Variants in SHROOM4 observed in about 807,000 individuals in gnomAD.
SHROOM4 encodes protein Shroom4.
A neutral mutation model predicts 80.3 loss-of-function variants in SHROOM4; 17 were observed. The observed-to-expected ratio is 0.21, with a 90% CI of 0.14 to 0.32. The LOEUF is 0.32. Among genes scored for constraint, SHROOM4 ranks in the 10% least tolerant of loss-of-function variants. SHROOM4 has a pLI of 1.00. For missense variants in SHROOM4, 993 were observed against 1,140.3 expected, an observed-to-expected ratio of 0.87 and a Z score of 1.86; for synonymous variants, 400 against 437.5, an observed-to-expected ratio of 0.91 and a Z score of 1.07.
Position 50,634,937 on chromosome X carries a change from A to G in SHROOM4, c.1136T>C (p.Val379Ala). Residue 379 changes from valine to alanine, a missense_variant, in exon 4 of 9, where the codon GTG (valine) becomes GCG (alanine). Coordinates refer to ENST00000376020, the MANE Select transcript of SHROOM4 (RefSeq NM_020717.5). ...AGCCTCATTGAGTGGGTTGGAATCC[A>G]CGCTGGAAGCTCTGTCACAGGCTTT... Reference protein sequence around the residue: ...SPKACDRASSVDSNPLNEASA... With the variant: ...SPKACDRASSADSNPLNEASA... 1 of 1,210,990 alleles carries G rather than the reference A, an allele frequency of 8.3e-7. No individual in the cohort carries two copies. The highest frequency in any genetic ancestry group is 1.1e-6 in the Non-Finnish European group (1 of 895,110).
chrX:50,581,312 G>A, the SHROOM4 span, among the ~76,000 whole-genome samples: 7 of 112,160 alleles, frequency 6.2e-5, no homozygotes, highest in Non-Finnish European at 1.1e-4. Context: ...ATTTATGCCT[G>A]TATACTGGAA....
chrX:50,633,477 G>A lies in SHROOM4; in HGVS notation c.2596C>T (p.Leu866=). 1 of 1,211,781 alleles carries A rather than the reference G, an allele frequency of 8.3e-7. No individual in the cohort carries two copies. Among genetic ancestry groups the A allele is most frequent in the Non-Finnish European group, 1.1e-6 (1 of 895,535 alleles). Residue 866 remains leucine, a synonymous_variant, in exon 4 of 9, where the codon CTA becomes TTA. Transcript: ENST00000376020. The stretch of plus-strand genomic sequence containing the variant: ...GGCTTACAACACATGGAATTTTCTA[G>A]ACCTTTGCTTGCAAAACATTCTGAG... ...TYSECFASKG[L]ENSMCCKPLH... is the part of the protein sequence containing the mutation.
intron 2 of SHROOM4, among the ~76,000 whole-genome samples, chrX:50,685,926 A>G (rs988749756): frequency 8.9e-6 from 1 of 112,054 alleles, no homozygotes; most frequent in African/African-American, 3.2e-5. Context: ...CATTTTCACA[A>G]CTTGAGCTAT....
At chrX:50,810,882 T>C (rs1936315813) in intron 1 of SHROOM4, among the ~76,000 whole-genome samples, 1 of 112,280 alleles carries the variant, frequency 8.9e-6, no homozygotes, top group Admixed American at 9.4e-5. Context: ...CCTCACAGTG[T>C]AGCTGCAAGA....
At chrX:50,799,926 A>G (rs1390726170) in intron 1 of SHROOM4, among the ~76,000 whole-genome samples, 2 of 111,999 alleles carry the variant, frequency 1.8e-5, no homozygotes, top group Non-Finnish European at 3.8e-5. Flanking sequence ...ACCTCGGAAC[A>G]CAGCTTACAC....
chrX:50,663,430 T>C (rs1340511825), intron 2 of SHROOM4, among the ~76,000 whole-genome samples: 1 of 110,952 alleles, frequency 9.0e-6, no homozygotes, highest in Non-Finnish European at 1.9e-5. Flanking sequence ...CTGCTCCCTG[T>C]ACTACATAAG....
chrX:50,743,339 G>A (rs1934706950), intron 1 of SHROOM4, among the ~76,000 whole-genome samples: 1 of 111,369 alleles, frequency 9.0e-6, no homozygotes. Flanking sequence ...AAGAGAAGAG[G>A]GAGAAGGAAT....
intron 2 of SHROOM4, among the ~76,000 whole-genome samples, chrX:50,664,907 CCACACCACA>C (rs1405335192): frequency 7.5e-5 from 8 of 107,330 alleles, no homozygotes; most frequent in Non-Finnish European, 1.5e-4. Context: ...ACACAACACA[CCACACCACA>C]CACACCACAC....
chrX:50,607,931 G>A lies in SHROOM4; in HGVS notation c.3211C>T (p.Arg1071Trp), dbSNP rs727504152. 9.9e-6 allele frequency: 12 copies of A among 1,209,967 alleles called. No individual in the cohort carries two copies. The highest frequency in any genetic ancestry group is 8.7e-5 in the Admixed American group (4 of 45,777). Residue 1071 changes from arginine to tryptophan, a missense_variant, in exon 6 of 9, where the codon CGG becomes TGG. Physicochemically the swap from Arg to Trp is moderately radical, Grantham distance 101 (BLOSUM62 -3). Transcript: ENST00000376020. ...SHISLAPQST[R>W]AWGQHRRELF... ...TCCCTCCTATGCTGCCCCCAGGCCC[G>A]GGTGCTTTGGGGCGCCAAGCTGATG...
intron 5 of SHROOM4, among the ~76,000 whole-genome samples, chrX:50,613,894 GA>G (rs1299621153): frequency 5.9e-4 from 66 of 112,313 alleles, no homozygotes; most frequent in African/African-American, 2.0e-3. Flanking sequence ...ACCAATTATT[GA>G]AATAATTTCT....
At chrX:50,677,014 A>T (rs1364510762) in intron 2 of SHROOM4, among the ~76,000 whole-genome samples, 1 of 112,097 alleles carries the variant, frequency 8.9e-6, no homozygotes, top group Non-Finnish European at 1.9e-5. Context: ...CCTTTTCTAT[A>T]AATTCTGTCT....
chrX:50,789,503 T>C (rs1027621591), intron 1 of SHROOM4, among the ~76,000 whole-genome samples: 1 of 110,803 alleles, frequency 9.0e-6, no homozygotes, highest in Non-Finnish European at 1.9e-5. Flanking sequence ...GCAAAATCAG[T>C]ACCAAGAGGA....
intron 1 of SHROOM4, among the ~76,000 whole-genome samples, chrX:50,703,991 A>G (rs144620169): frequency 7.0e-4 from 78 of 111,657 alleles, no homozygotes; most frequent in African/African-American, 2.5e-3. Flanking sequence ...AACCGGAGGA[A>G]TGAATATGGT....
At chrX:50,575,659 C>A in the SHROOM4 span, among the ~76,000 whole-genome samples, 3 of 111,465 alleles carry the variant, frequency 2.7e-5, no homozygotes, top group African/African-American at 9.8e-5. Context: ...AGCATTCAAT[C>A]TTGCATATTA....
chrX:50,797,386 T>C (rs1439844866), intron 1 of SHROOM4, among the ~76,000 whole-genome samples: 1 of 111,977 alleles, frequency 8.9e-6, no homozygotes, highest in African/African-American at 3.2e-5. Context: ...CTCTAGGATA[T>C]GTAAGTGAAA....
At position 50,649,446 on chromosome X, in the gene SHROOM4, G is replaced by A. The variant is rs782221021; in HGVS notation, c.270-11138C>T. Among the ~76,000 whole-genome samples the A allele has an allele frequency of 4.1e-4, 46 of 111,679 alleles. 1 individual carries two copies. The highest frequency in any genetic ancestry group is 5.1e-4 in the Non-Finnish European group (27 of 53,167). On this transcript the variant is annotated intron_variant, in intron 2 of 8. Transcript: ENST00000376020. ...GCAGAGCTATAGTTCAGTGAGAAGA[G>A]GAAGAAGAGCTGGTAATAGAGACAA...
At chrX:50,678,444 C>A (rs1231653607) in intron 2 of SHROOM4, among the ~76,000 whole-genome samples, 1 of 111,620 alleles carries the variant, frequency 9.0e-6, no homozygotes, top group East Asian at 2.8e-4. Flanking sequence ...TAACTTCTAG[C>A]CATCTCAGTA....
chrX:50,647,514 C>T (rs947888295), intron 2 of SHROOM4, among the ~76,000 whole-genome samples: 9 of 111,506 alleles, frequency 8.1e-5, no homozygotes, highest in Non-Finnish European at 1.5e-4. Context: ...ACACCCAAAG[C>T]GATAAAGAAG....
rs781878531 is a variant in SHROOM4 at position 50,801,261 on chromosome X, GGAGA to G, written c.117+12637_117+12640del. ...GGAGGGAAGGAGAGAGAGAGAAAGAGGAGAGAGAGAGAGAGAGAGAGAGAGAGAG... is the reference window on the plus strand; with the variant it reads ...GGAGGGAAGGAGAGAGAGAGAAAGAGGAGAGAGAGAGAGAGAGAGAGAGAG... On this transcript the variant is annotated intron_variant, in intron 1 of 8. Transcript: ENST00000376020. Among the ~76,000 whole-genome samples the G allele has an allele frequency of 1.5e-3, 122 of 81,525 alleles. No homozygotes were observed. The Middle Eastern group carries it at 0.028, about 19-fold the overall frequency. The allele number at this position is 81,525 out of a possible 115,157, so 70.8% of individuals were successfully genotyped here.
Sources: gnomAD v4.1 joint callset for allele counts (sites outside exome capture counted in the v4.1 genomes callset) on GRCh38, gnomAD v4.1.1 for gene constraint, MANE v1.5 for transcripts, NCBI Gene and HGNC (gene_info 2026-07-23, HGNC 2026-07-21) for gene names.